MYO1C: variants seen among roughly 807,000 people sequenced by gnomAD.
MYO1C encodes the protein myosin IC.
In MYO1C, 104 loss-of-function variants were observed where a neutral mutation model predicts 150.8. The observed-to-expected ratio is 0.69, with a 90% CI of 0.59 to 0.81. MYO1C has a LOEUF of 0.81. Among genes scored for constraint, MYO1C ranks in the 30% least tolerant of loss-of-function variants. MYO1C has a pLI of 0.00. For synonymous variants in MYO1C, 663 were observed against 579.9 expected (o/e 1.14, Z -2.06); for missense variants, 1,504 against 1,435.0 (o/e 1.05, Z -0.78).
intron 4 of MYO1C, 53 bp from the exon 5 acceptor site, chr17:1,482,611 C>T: frequency 1.3e-6 from 2 of 1,491,536 alleles, no homozygotes; most frequent in South Asian, 1.1e-5. Flanking sequence ...CCTGCCCTCC[C>T]CACCCCGCCT....
At position 1,469,564 on chromosome 17, in the gene MYO1C, G is replaced by A; in HGVS notation, c.2577C>T (p.Tyr859=). ...ELCIKNMVWK[Y]CRSISPEWKQ... Reference sequence around the variant, plus strand: ...TCCACTCAGGGCTGATACTCCGGCAGTATTTCCACACCATGTTCTTTATGC... The same window carrying A: ...TCCACTCAGGGCTGATACTCCGGCAATATTTCCACACCATGTTCTTTATGC... Residue 859 remains tyrosine, a synonymous_variant, in exon 25 of 32, where the codon TAC becomes TAT. Coordinates refer to ENST00000648651, the MANE Select transcript of MYO1C (RefSeq NM_001080779.2). The A allele has an allele frequency of 4.3e-6, 7 of 1,613,328 alleles. No individual in the cohort carries two copies. The highest frequency in any genetic ancestry group is 5.9e-6 in the Non-Finnish European group (7 of 1,179,770).
At chr17:1,473,445 A>C (rs1213188400) in intron 17 of MYO1C, among the ~76,000 whole-genome samples, 1 of 151,720 alleles carries the variant, frequency 6.6e-6, no homozygotes, top group African/African-American at 2.4e-5. Context: ...GGCCGGGAGG[A>C]TGTGGTGCTT....
In MYO1C at chr17:1,465,684, A is replaced by G. The variant is rs556221831; in HGVS notation, c.*42T>C. ...TAACTGGGAAGGGGAGGAGGAGAAA[A>G]GCAAAGCATTGGGCGTTGGGAGGGT... On this transcript the variant is annotated 3_prime_UTR_variant, in exon 32 of 32. Transcript: ENST00000648651. The G allele has an allele frequency of 6.0e-6, 8 of 1,328,950 alleles. No homozygotes were observed. In the South Asian group the frequency reaches 1.8e-4, roughly 30 times the overall value. The allele number at this position is 1,328,950 out of a possible 1,614,324, so 82.3% of individuals were successfully genotyped here. A position where few individuals can be genotyped will look rare whatever the true frequency, so the allele number is the denominator to read the frequency against.
At chr17:1,466,373 C>T (rs1209103013) in intron 31 of MYO1C, among the ~76,000 whole-genome samples, 1 of 151,910 alleles carries the variant, frequency 6.6e-6, no homozygotes, top group Non-Finnish European at 1.5e-5. Context: ...TCTTGTTGCC[C>T]AGGGTAGAGT....
chr17:1,482,604 G>GCCCC, intron 4 of MYO1C, 46 bp from the exon 5 acceptor site: 4 of 1,494,630 alleles, frequency 2.7e-6, no homozygotes, highest in South Asian at 2.3e-5. Context: ...CTCTCCCCCT[G>GCCCC]CCCTCCCCAC....
intron 14 of MYO1C, among the ~76,000 whole-genome samples, chr17:1,475,933 G>T (rs1888181212): frequency 6.6e-6 from 1 of 152,162 alleles, no homozygotes; most frequent in Admixed American, 6.5e-5. Flanking sequence ...TATTTACCCT[G>T]AGCCTTATAC....
At chr17:1,470,112 G>T in intron 24 of MYO1C, 63 bp downstream of exon 24, 1 of 1,515,242 alleles carries the variant, frequency 6.6e-7, no homozygotes, top group Non-Finnish European at 8.9e-7. Context: ...TTGGCCCGAA[G>T]AAATCAGACC....
At chr17:1,474,774 T>TCCCCCCCCCCCCCCCCGCCG in intron 16 of MYO1C, 38 bp downstream of exon 16, 1 of 1,597,380 alleles carries the variant, frequency 6.3e-7, no homozygotes, top group Non-Finnish European at 8.6e-7. Context: ...CTGTGGGCTA[T>TCCCCCCCCCCCCCCCCGCCG]CCCCACCCCC....
intron 17 of MYO1C, 87 bp downstream of exon 17, chr17:1,474,523 C>T (rs888372135): frequency 1.5e-5 from 21 of 1,400,954 alleles, no homozygotes; most frequent in African/African-American, 7.1e-5. Flanking sequence ...CGCGTTCACA[C>T]GCACGCTGCC....
In MYO1C at chr17:1,474,952, G is replaced by T. The variant is rs934910137; in HGVS notation, c.1655C>A (p.Thr552Asn). 6 of 1,590,008 alleles carry T rather than the reference G, an allele frequency of 3.8e-6. No individual in the cohort carries two copies. The South Asian group carries it at 5.6e-5, about 15-fold the overall frequency. ...FRLLHYAGEVTYSVTGFLDKN... is the reference protein window; with the variant it reads ...FRLLHYAGEVNYSVTGFLDKN... Reference sequence around the variant, plus strand: ...AGGATCCTCACCGGTCACGCTGTAGGTCACCTCCCCCGCATAGTGCAGAAG... The same window carrying T: ...AGGATCCTCACCGGTCACGCTGTAGTTCACCTCCCCCGCATAGTGCAGAAG... Residue 552 changes from threonine to asparagine, a missense_variant, in exon 15 of 32, where the codon ACC becomes AAC. Transcript: ENST00000648651.
intron 3 of MYO1C, 30 bp from the exon 4 acceptor site, chr17:1,483,089 G>A (rs1157576132): frequency 6.4e-7 from 1 of 1,563,960 alleles, no homozygotes; most frequent in Non-Finnish European, 8.7e-7. Flanking sequence ...GGGAGTTTGG[G>A]GAGGGGGGCC....
rs549431553 is a variant in MYO1C at position 1,482,826 on chromosome 17, C to A, written c.546+35G>T. ...GCTTCTCTCCCTGCCCCTCCCCTCC[C>A]GCACTGGCACTGGGCTTCTCTCCCT... On this transcript the variant is annotated intron_variant, in intron 4 of 31. Transcript: ENST00000648651. 252 of 1,592,644 alleles carry A rather than the reference C, an allele frequency of 1.6e-4. 4 individuals carry two copies. In the East Asian group the frequency reaches 4.9e-3, roughly 31 times the overall value.
rs2302458 is a variant in MYO1C, at chr17:1,467,248, C to A, written c.3159G>T (p.Leu1053=). ...LLITKAKNGH[L]AVVAPRLNSR is the part of the protein sequence containing the mutation. ...GAAAGCAGGCCCCACTCACCACAGC[C>A]AGGTGCCCGTTCTTGGCCTTGGTGA... The change falls in exon 31 of 32, where the codon CTG becomes CTT. Residue 1053 remains leucine, a synonymous_variant. Coordinates refer to ENST00000648651, the MANE Select transcript of MYO1C (RefSeq NM_001080779.2). 0.097 allele frequency: 155,996 copies of A among 1,611,446 alleles called. 8,060 individuals are homozygous for A. The highest frequency in any genetic ancestry group is 0.13 in the East Asian group (5,771 of 44,844).
At chr17:1,468,332 G>T (rs941633594) in intron 26 of MYO1C, 24 bp from the exon 27 acceptor site, 1 of 1,614,108 alleles carries the variant, frequency 6.2e-7, no homozygotes, top group Non-Finnish European at 8.5e-7. Context: ...GGCGGGGAGG[G>T]AAGTCAGTGG....
rs113546050 is a variant in MYO1C, at chr17:1,479,088, G to A, written c.1092+343C>T. 0.033 allele frequency among the ~76,000 whole-genome samples: 4,953 copies of A among 152,140 alleles called. 277 individuals are homozygous for A. The highest frequency in any genetic ancestry group is 0.11 in the African/African-American group (4,673 of 41,472). ...CGGCTCACTGCAACCTCCACCTCCC[G>A]GGTTCAAGCGATTCTCCTGCCTCAG... On this transcript the variant is annotated intron_variant, in intron 9 of 31. Coordinates refer to ENST00000648651, the MANE Select transcript of MYO1C (RefSeq NM_001080779.2). This position sits in a 1 kb window ranked among gnomAD's most constrained non-coding sequence, Gnocchi z 4.2.
At chr17:1,485,233 T>C in intron 1 of MYO1C, 1 of 1,165,232 alleles carries the variant, frequency 8.6e-7, no homozygotes, top group Non-Finnish European at 1.1e-6. Context: ...TCAAACAGGG[T>C]CTCAGGGCTC....
In MYO1C at chr17:1,480,741, C is replaced by T. The variant is rs2074503073; in HGVS notation, c.772G>A (p.Glu258Lys). The change falls in exon 6 of 32, where the codon GAA becomes AAA. Residue 258 changes from glutamate to lysine, a missense_variant. Physicochemically the swap from Glu to Lys is moderately conservative, Grantham distance 56 (BLOSUM62 1). Transcript: ENST00000648651. ...EEETLRRLGL[E>K]RNPQSYLYLV... The stretch of plus-strand genomic sequence containing the variant: ...TACAGGTAGCTCTGGGGGTTCCGTT[C>T]CAAGCCCAGCCTGCGAAGAGTCTCC... 1 of 1,614,160 alleles carries T rather than the reference C, an allele frequency of 6.2e-7. No individual in the cohort carries two copies.
intron 25 of MYO1C, chr17:1,469,318 T>C (rs1361918451): frequency 5.0e-6 from 3 of 597,516 alleles, no homozygotes; most frequent in East Asian, 5.8e-5. Context: ...GTAAATACAG[T>C]AGACCGAGAT....
chr17:1,483,161 A>G (rs2074572260), intron 3 of MYO1C, 102 bp from the exon 4 acceptor site: 2 of 1,195,152 alleles, frequency 1.7e-6, no homozygotes, highest in African/African-American at 1.5e-5. Flanking sequence ...TGGGAGTCGA[A>G]TACACCCTTG....
Sources: gnomAD v4.1 joint callset for allele counts (sites outside exome capture counted in the v4.1 genomes callset) on GRCh38, gnomAD v4.1.1 for gene constraint, Gnocchi (gnomAD v3.1) non-coding constraint, MANE v1.5 for transcripts, NCBI Gene and HGNC (gene_info 2026-07-23, HGNC 2026-07-21) for gene names.